Variants in TFEC observed in about 807,000 individuals in gnomAD.
The protein encoded by TFEC is class E basic helix-loop-helix protein 34.
A neutral mutation model predicts 41.6 loss-of-function variants in TFEC; 31 were observed. The observed-to-expected ratio is 0.74, with a 90% CI of 0.56 to 1.01. The LOEUF is 1.01. Among genes scored for constraint, TFEC ranks in the 50% least tolerant of loss-of-function variants. The pLI is 0.00. For missense variants in TFEC, 402 were observed against 404.1 expected (o/e 0.99, Z 0.04); for synonymous variants, 143 against 140.6 (o/e 1.02, Z -0.12).
rs1259868148 is a variant in TFEC at position 116,000,488 on chromosome 7, G to T, written c.-72-15975C>A. 3.3e-5 allele frequency among the ~76,000 whole-genome samples: 5 copies of T among 152,084 alleles called. No individual in the cohort carries two copies. The East Asian group carries it at 5.8e-4, about 18-fold the overall frequency. On this transcript the variant is annotated intron_variant, in intron 1 of 7. Transcript: ENST00000265440. ...AAATAAATGGCATCCAAATTGGAAA[G>T]GAAGAAGTAAATTTATTTGTGTTTG...
intron 4 of TFEC, among the ~76,000 whole-genome samples, chr7:115,955,854 T>C (rs1792196885): frequency 6.6e-6 from 1 of 152,038 alleles, no homozygotes; most frequent in African/African-American, 2.4e-5. Context: ...TTTGGATGCA[T>C]AGACATTTTT....
At chr7:116,055,789 A>G (rs77494509) in intron 3 of TFEC, among the ~76,000 whole-genome samples, 4,205 of 152,162 alleles carry the variant, frequency 0.028, 196 homozygotes, top group African/African-American at 0.095. Context: ...TTAAAAGGTC[A>G]CAAGCTAATA....
At chr7:116,153,192 T>C (rs906791714) in intron 1 of TFEC, among the ~76,000 whole-genome samples, 1 of 152,174 alleles carries the variant, frequency 6.6e-6, no homozygotes, top group Non-Finnish European at 1.5e-5. Flanking sequence ...ATGACATCCC[T>C]TATCCTTTGA....
chr7:116,117,132 T>C (rs1215121230), intron 1 of TFEC, among the ~76,000 whole-genome samples: 1 of 151,882 alleles, frequency 6.6e-6, no homozygotes, highest in Non-Finnish European at 1.5e-5. Flanking sequence ...GGAAACCTAT[T>C]GAGTCTGATT....
At chr7:116,107,048 C>G (rs1327456060) in intron 3 of TFEC, among the ~76,000 whole-genome samples, 2 of 152,068 alleles carry the variant, frequency 1.3e-5, no homozygotes, top group African/African-American at 4.8e-5. Context: ...GAGTTTTTAC[C>G]TTAATGGACA....
intron 3 of TFEC, among the ~76,000 whole-genome samples, chr7:116,052,386 G>A (rs1414268417): frequency 2.0e-5 from 3 of 152,056 alleles, no homozygotes; most frequent in African/African-American, 7.2e-5. Context: ...GCAAATAACA[G>A]GCAGAAAAAG....
chr7:116,122,877 A>C (rs1454361743), intron 1 of TFEC, among the ~76,000 whole-genome samples: 1 of 152,022 alleles, frequency 6.6e-6, no homozygotes, highest in Non-Finnish European at 1.5e-5. Context: ...GACTACAATA[A>C]ATGTCAGCTA....
chr7:115,984,201 C>CTT, intron 2 of TFEC, 61 bp downstream of exon 2: 1 of 1,578,974 alleles, frequency 6.3e-7, no homozygotes, highest in African/African-American at 1.3e-5. Context: ...ACTTCAATTA[C>CTT]TTTAATAGAG....
At chr7:115,942,148 A>T in intron 6 of TFEC, 108 bp from the exon 7 acceptor site, 1 of 1,185,324 alleles carries the variant, frequency 8.4e-7, no homozygotes, top group South Asian at 1.9e-5. Flanking sequence ...CATGACTATT[A>T]TTCACTCTTA....
chr7:116,150,611 A>G (rs1798741286), intron 1 of TFEC, among the ~76,000 whole-genome samples: 1 of 152,112 alleles, frequency 6.6e-6, no homozygotes, highest in African/African-American at 2.4e-5. Flanking sequence ...GATATTAAGG[A>G]AAAACAACAG....
At chr7:115,972,201 T>C (rs1793164788) in intron 3 of TFEC, among the ~76,000 whole-genome samples, 1 of 152,100 alleles carries the variant, frequency 6.6e-6, no homozygotes, top group Non-Finnish European at 1.5e-5. Context: ...TAACTATATT[T>C]CAAACATCAC....
intron 3 of TFEC, among the ~76,000 whole-genome samples, chr7:116,055,225 A>G (rs1199851439): frequency 1.3e-5 from 2 of 152,118 alleles, no homozygotes; most frequent in East Asian, 3.8e-4. Flanking sequence ...CAATAATTCC[A>G]TAGTTATATT....
At chr7:116,066,813 C>CA (rs2131008778) in intron 3 of TFEC, among the ~76,000 whole-genome samples, 1 of 152,032 alleles carries the variant, frequency 6.6e-6, no homozygotes, top group African/African-American at 2.4e-5. Flanking sequence ...GAAGATAATG[C>CA]AATTCACAAA....
At chr7:116,013,331 A>G (rs1795071802) in intron 1 of TFEC, among the ~76,000 whole-genome samples, 1 of 152,152 alleles carries the variant, frequency 6.6e-6, no homozygotes, top group Non-Finnish European at 1.5e-5. Context: ...TGGTTGTCAT[A>G]GCTGCATTTT....
chr7:116,076,700 A>G (rs1423943669), intron 3 of TFEC, among the ~76,000 whole-genome samples: 2 of 152,042 alleles, frequency 1.3e-5, no homozygotes, highest in Non-Finnish European at 2.9e-5. Context: ...TAAGGCTTTC[A>G]AATTAACCCA....
rs149126752 is a variant in TFEC, at chr7:116,125,200, A to G, written c.-68-13162T>C. 9.3e-3 allele frequency among the ~76,000 whole-genome samples: 1,410 copies of G among 152,356 alleles called. 97 individuals carry two copies. Among genetic ancestry groups the G allele is most frequent in the Admixed American group, 0.088 (1,345 of 15,304 alleles). ...ATGAAAGAAGTATAATCTGTGATTT[A>G]TCTTAAAATGCAGGTGTGGTTTAAA... On this transcript the variant is annotated intron_variant, in intron 1 of 8. Transcript: ENST00000484212.
At chr7:116,046,738 G>A (rs977658266) in intron 3 of TFEC, among the ~76,000 whole-genome samples, 8 of 152,062 alleles carry the variant, frequency 5.3e-5, no homozygotes, top group South Asian at 2.1e-4. Context: ...ACTCCCCACT[G>A]TACTTCACCA....
chr7:116,154,557 G>A (rs887921279), intron 1 of TFEC, among the ~76,000 whole-genome samples: 6 of 152,072 alleles, frequency 3.9e-5, no homozygotes, highest in African/African-American at 1.4e-4. Flanking sequence ...TAATGAACAA[G>A]GCAGATACAT....
intron 3 of TFEC, among the ~76,000 whole-genome samples, chr7:116,056,445 G>A (rs1796432939): frequency 6.6e-6 from 1 of 152,044 alleles, no homozygotes; most frequent in South Asian, 2.1e-4. Flanking sequence ...ATACATGTGA[G>A]GAAAATACTG....
Sources: allele counts gnomAD v4.1 joint callset (sites outside exome capture counted in the v4.1 genomes callset), GRCh38; gene constraint gnomAD v4.1.1; transcripts MANE v1.5; gene names NCBI Gene and HGNC (gene_info 2026-07-23, HGNC 2026-07-21).